GRM4: variants seen among roughly 807,000 people sequenced by gnomAD.
GRM4 encodes the protein glutamate metabotropic receptor 4.
GRM4 carries 28 observed loss-of-function variants against 81.7 expected under a neutral mutation model. The ratio of observed to expected loss-of-function variants is 0.34; its 90% CI spans 0.25 to 0.47. The LOEUF (loss-of-function observed/expected upper bound fraction) is 0.47, where lower values mean the gene tolerates loss of function less well. GRM4 is among the 20% of genes least tolerant of loss of function. The pLI is 1.00. For missense variants in GRM4, 948 were observed against 1,290.0 expected (o/e 0.73, Z 4.06); for synonymous variants, 488 against 528.8 (o/e 0.92, Z 1.06).
At chr6:34,077,419 C>T (rs1241944613) in intron 3 of GRM4, among the ~76,000 whole-genome samples, 2 of 152,104 alleles carry the variant, frequency 1.3e-5, no homozygotes, top group Non-Finnish European at 1.5e-5. Context: ...TCACGGCGCA[C>T]CTCCACTCCT....
intron 2 of GRM4, among the ~76,000 whole-genome samples, chr6:34,131,930 T>A (rs986273961): frequency 6.6e-6 from 1 of 151,480 alleles, no homozygotes; most frequent in Non-Finnish European, 1.5e-5. Context: ...CCCCATTCTC[T>A]CCTCCCCTCC....
At chr6:34,077,005 C>T (rs146390761) in intron 3 of GRM4, among the ~76,000 whole-genome samples, 3 of 150,096 alleles carry the variant, frequency 2.0e-5, no homozygotes, top group African/African-American at 7.5e-5. Flanking sequence ...AGGGCCTCTT[C>T]CTGTATGCTG....
chr6:34,112,082 A>G (rs1219653583), intron 2 of GRM4, among the ~76,000 whole-genome samples: 1 of 152,190 alleles, frequency 6.6e-6, no homozygotes, highest in African/African-American at 2.4e-5. Context: ...AGGAGAAAGC[A>G]GTGCCTGTAA....
intron 6 of GRM4, chr6:34,054,112 A>G (rs1478735807): frequency 6.6e-6 from 1 of 151,704 alleles, no homozygotes; most frequent in East Asian, 1.9e-4. Context: ...GCAAAGGCCC[A>G]GAAAGGTTGT....
chr6:34,117,418 C>T (rs1407237196), intron 2 of GRM4, among the ~76,000 whole-genome samples: 3 of 152,188 alleles, frequency 2.0e-5, no homozygotes, highest in Non-Finnish European at 4.4e-5. Flanking sequence ...TCTCCCAGGC[C>T]CCCCTGCCAC....
intron 3 of GRM4, among the ~76,000 whole-genome samples, chr6:34,087,746 C>T (rs1311517640): frequency 1.4e-5 from 2 of 144,714 alleles, no homozygotes; most frequent in Admixed American, 7.1e-5. Flanking sequence ...CAGATATCCC[C>T]ACCAAGGCAG....
chr6:34,148,675 G>A (rs774913975), upstream of GRM4, among the ~76,000 whole-genome samples: 3 of 152,216 alleles, frequency 2.0e-5, no homozygotes, highest in Admixed American at 6.5e-5. Context: ...AGGACACAAG[G>A]TGGGAAACCA....
intron 3 of GRM4, among the ~76,000 whole-genome samples, chr6:34,083,147 G>A (rs115282021): frequency 0.05 from 7,611 of 152,258 alleles, 201 homozygotes; most frequent in Middle Eastern, 0.071. Context: ...GCTCAGAGGC[G>A]AATGCAGACG....
chr6:34,091,022 C>T (rs74759340), intron 3 of GRM4, among the ~76,000 whole-genome samples: 2 of 152,146 alleles, frequency 1.3e-5, no homozygotes, highest in Non-Finnish European at 2.9e-5. Flanking sequence ...CACAGCCCCC[C>T]AGGAGCTGTC....
rs1765040280 is a variant in GRM4 at position 34,042,005 on chromosome 6, A to T, written c.1169-1257T>A. The stretch of plus-strand genomic sequence containing the variant: ...GGTGGCTCACACCTGTAATCCCAGC[A>T]CTTTGGGAGACTGAGGTGGGTGGAT... On this transcript the variant is annotated intron_variant, in intron 6 of 10. Transcript: ENST00000538487. The surrounding 1 kb of genome is among the most constrained non-coding windows in gnomAD (Gnocchi z 4.2). Among the ~76,000 whole-genome samples the T allele has an allele frequency of 1.3e-5, 2 of 152,186 alleles. No individual in the cohort carries two copies. Among genetic ancestry groups the T allele is most frequent in the Admixed American group, 1.3e-4 (2 of 15,288 alleles).
intron 1 of GRM4, among the ~76,000 whole-genome samples, chr6:34,139,447 C>T (rs1306051772): frequency 6.6e-6 from 1 of 152,182 alleles, no homozygotes; most frequent in Non-Finnish European, 1.5e-5. Context: ...CCTATGATTC[C>T]CTCCAGCCTC....
At chr6:34,141,637 A>T (rs1411457540) in intron 1 of GRM4, among the ~76,000 whole-genome samples, 1 of 149,868 alleles carries the variant, frequency 6.7e-6, no homozygotes, top group African/African-American at 2.5e-5. Flanking sequence ...AGGAGCCAAG[A>T]GAAACATGGA....
rs1224201647 is a variant in GRM4 at position 34,070,253 on chromosome 6, G to A, written c.737-8225C>T. 1.3e-5 allele frequency among the ~76,000 whole-genome samples: 2 copies of A among 152,176 alleles called. No individual in the cohort carries two copies. The highest frequency in any genetic ancestry group is 4.8e-5 in the African/African-American group (2 of 41,436). On this transcript the variant is annotated intron_variant, in intron 3 of 10. Transcript: ENST00000538487. The surrounding 1 kb of genome is among the most constrained non-coding windows in gnomAD (Gnocchi z 4.6). ...TTGCTCTGGTCCACAGTGATACTCT[G>A]TGCTCAGCGTCCACACGCGTGGGGT...
At chr6:34,041,468 C>A (rs1765017039) in intron 6 of GRM4, among the ~76,000 whole-genome samples, 1 of 152,154 alleles carries the variant, frequency 6.6e-6, no homozygotes, top group African/African-American at 2.4e-5. Flanking sequence ...TGCAATGACT[C>A]CCCAAGGCAC....
Position 34,103,516 on chromosome 6 carries a change from G to T in GRM4, c.520-11417C>A, listed in dbSNP as rs1420565029. 51 of 1,299,792 alleles carry T rather than the reference G, an allele frequency of 3.9e-5. 2 individuals carry two copies. In the South Asian group the frequency reaches 6.1e-4, roughly 16 times the overall value. 80.5% of individuals were successfully genotyped at this position (1,299,792 alleles called of 1,614,324 possible). On this transcript the variant is annotated intron_variant, in intron 2 of 10. Transcript: ENST00000538487. ...GGGCGGCGGGCGAGGGAGAGCAAAC[G>T]CGATCCTCAAATCAGCACTTGTCCT...
chr6:34,138,703 G>T (rs1770563344), intron 1 of GRM4, among the ~76,000 whole-genome samples: 1 of 152,202 alleles, frequency 6.6e-6, no homozygotes, highest in South Asian at 2.1e-4. Context: ...GGGGAAGGTG[G>T]ATGACCAGTT....
At chr6:34,131,226 C>T (rs927690138) in intron 2 of GRM4, among the ~76,000 whole-genome samples, 5 of 152,218 alleles carry the variant, frequency 3.3e-5, no homozygotes, top group Non-Finnish European at 5.9e-5. Context: ...ACACAGCCCC[C>T]GGGGATTGTT....
chr6:34,118,778 T>A (rs77291562), intron 2 of GRM4, among the ~76,000 whole-genome samples: 2 of 152,216 alleles, frequency 1.3e-5, no homozygotes, highest in Admixed American at 6.5e-5. Context: ...ATGCATTTTT[T>A]AATTGAACTG....
chr6:34,137,320 G>A (rs572526266), intron 1 of GRM4, among the ~76,000 whole-genome samples: 2 of 152,390 alleles, frequency 1.3e-5, no homozygotes, highest in African/African-American at 4.8e-5. Flanking sequence ...TGAGAGCCCT[G>A]AGGGGCAGGG....
Sources: allele counts gnomAD v4.1 joint callset (sites outside exome capture counted in the v4.1 genomes callset), GRCh38; gene constraint gnomAD v4.1.1; non-coding constraint Gnocchi (gnomAD v3.1); transcripts MANE v1.5; gene names NCBI Gene and HGNC (gene_info 2026-07-23, HGNC 2026-07-21).